Variants in NR1D2 observed in about 807,000 individuals in gnomAD.
The protein encoded by NR1D2 is V-erbA-related protein 1-related.
Under a neutral mutation model 52.2 loss-of-function variants are expected in NR1D2, and 25 were observed. The observed-to-expected ratio is 0.48, with a 90% confidence interval of 0.35 to 0.67. The LOEUF (loss-of-function observed/expected upper bound fraction) is 0.67, where lower values mean the gene tolerates loss of function less well. NR1D2 is among the 30% of genes least tolerant of loss of function. The probability of loss-of-function intolerance (pLI) is 0.01; values close to 1 mark genes in which losing one functional copy is unlikely to be tolerated. For synonymous variants in NR1D2, 259 were observed against 230.1 expected (o/e 1.13, Z -1.14); for missense variants, 681 against 707.2 (o/e 0.96, Z 0.42).
intron 6 of NR1D2, among the ~76,000 whole-genome samples, chr3:23,966,909 A>G (rs1706463147): frequency 6.6e-6 from 1 of 152,098 alleles, no homozygotes; most frequent in Admixed American, 6.6e-5. Context: ...ATGTATTTGT[A>G]TTCTCAGCTA....
Position 23,962,037 on chromosome 3 carries a change from G to C in NR1D2, c.578G>C (p.Ser193Thr), listed in dbSNP as rs1026401912. The C allele has an allele frequency of 6.2e-6, 10 of 1,614,060 alleles. No homozygotes were observed. Among genetic ancestry groups the C allele is most frequent in the Non-Finnish European group, 7.6e-6 (9 of 1,180,028 alleles). The change falls in exon 5 of 8, where the codon AGT becomes ACT. Residue 193 changes from serine to threonine, a missense_variant. Transcript: ENST00000312521. ...EKQRMLIEMQ[S>T]AMKTMMNSQF... is the part of the protein sequence containing the mutation. Reference sequence around the variant, plus strand: ...CAGAGGATGCTAATTGAAATGCAAAGTGCAATGAAGACCATGATGAACAGC... The same window carrying C: ...CAGAGGATGCTAATTGAAATGCAAACTGCAATGAAGACCATGATGAACAGC...
chr3:23,946,310 G>A (rs1403504835), intron 1 of NR1D2: 6 of 984,768 alleles, frequency 6.1e-6, no homozygotes, highest in Non-Finnish European at 7.2e-6. Context: ...TGGGGAGGCT[G>A]GTAGCTGCAT....
chr3:23,946,162 G>T, intron 1 of NR1D2: 1 of 985,100 alleles, frequency 1.0e-6, no homozygotes, highest in African/African-American at 1.7e-5. Context: ...AGGAGGCCGC[G>T]CGTGCGCGCC....
intron 7 of NR1D2, among the ~76,000 whole-genome samples, chr3:23,970,019 A>G (rs1435725226): frequency 6.6e-6 from 1 of 152,226 alleles, no homozygotes; most frequent in Non-Finnish European, 1.5e-5. Context: ...TTATGGACTA[A>G]CAGCTATGAG....
At chr3:23,955,904 C>A in intron 2 of NR1D2, 133 bp from the exon 3 acceptor site, 1 of 576,478 alleles carries the variant, frequency 1.7e-6, no homozygotes, top group Non-Finnish European at 3.2e-6. Flanking sequence ...AAATATTTTT[C>A]TTTTACATTA....
chr3:23,964,108 T>C (rs1039912927), intron 5 of NR1D2, among the ~76,000 whole-genome samples: 3 of 151,372 alleles, frequency 2.0e-5, no homozygotes, highest in Admixed American at 1.3e-4. Context: ...AGACGGAGTC[T>C]CACTCTGTCA....
At chr3:23,952,701 G>A (rs1405292447) in intron 1 of NR1D2, among the ~76,000 whole-genome samples, 1 of 150,394 alleles carries the variant, frequency 6.6e-6, no homozygotes, top group African/African-American at 2.5e-5. Flanking sequence ...ACTCCAGCCT[G>A]GACAACAGAG....
intron 7 of NR1D2, among the ~76,000 whole-genome samples, chr3:23,972,308 T>A (rs1432135010): frequency 6.6e-6 from 1 of 152,240 alleles, no homozygotes; most frequent in African/African-American, 2.4e-5. Context: ...AAGCAAGTAT[T>A]TGAACTCCCA....
At chr3:23,956,171 A>G in intron 3 of NR1D2, 46 bp downstream of exon 3, 2 of 1,481,528 alleles carry the variant, frequency 1.3e-6, no homozygotes, top group Non-Finnish European at 9.4e-7. Flanking sequence ...CTGGGATTTA[A>G]GAAGTTGGGT....
chr3:23,955,600 C>T (rs888906414), intron 2 of NR1D2, among the ~76,000 whole-genome samples: 21 of 151,950 alleles, frequency 1.4e-4, no homozygotes, highest in Non-Finnish European at 1.9e-4. Context: ...CTGAGTGGGG[C>T]GGAGTCCAGG....
chr3:23,963,499 G>C, intron 5 of NR1D2: 1 of 697,876 alleles, frequency 1.4e-6, no homozygotes, highest in Non-Finnish European at 1.8e-6. Flanking sequence ...GCCCAGGCTG[G>C]AGTGCGGTGG....
At chr3:23,958,572 C>T (rs1378102387) in intron 3 of NR1D2, among the ~76,000 whole-genome samples, 2 of 144,062 alleles carry the variant, frequency 1.4e-5, no homozygotes, top group Non-Finnish European at 3.0e-5. Flanking sequence ...CCCGGGAGTT[C>T]GAAGTTGCGG....
chr3:23,946,350 G>C, intron 1 of NR1D2: 1 of 956,412 alleles, frequency 1.0e-6, no homozygotes, highest in Non-Finnish European at 1.2e-6. Context: ...GGAAGTGCAG[G>C]ACGAGGGCGT....
rs1391120867 is a variant in NR1D2, at chr3:23,954,918, T to C, written c.283+115T>C. 5.7e-6 allele frequency: 5 copies of C among 880,718 alleles called. No homozygotes were observed. The East Asian group carries it at 1.0e-4, about 18-fold the overall frequency. 54.6% of individuals were successfully genotyped at this position (880,718 alleles called of 1,614,324 possible). On this transcript the variant is annotated intron_variant, in intron 2 of 7. Coordinates refer to ENST00000312521, the MANE Select transcript of NR1D2 (RefSeq NM_005126.5). ...TCTGGGTACAGTTTTCACTCCTTGC[T>C]GGGTAATCATACATCAGTAGTTAGG...
chr3:23,971,911 A>G (rs1356529414), intron 7 of NR1D2, among the ~76,000 whole-genome samples: 2 of 152,204 alleles, frequency 1.3e-5, no homozygotes, highest in Admixed American at 6.5e-5. Context: ...TGGTATTATG[A>G]TTATGTAAAT....
intron 5 of NR1D2, chr3:23,963,341 T>G (rs1442243591): frequency 3.8e-6 from 5 of 1,331,944 alleles, no homozygotes; most frequent in Non-Finnish European, 4.9e-6. Flanking sequence ...GTAATTAAAG[T>G]CGTCTTTTTC....
rs528074575 is a variant in NR1D2 at position 23,966,766 on chromosome 3, A to G, written c.1333-1047A>G. On this transcript the variant is annotated intron_variant, in intron 6 of 7. Transcript: ENST00000312521. ...GTTTTGGGACCGGGTGCAGTGGCTCATGCTTGTAATCCCAGCACTTTGGGA... is the reference window on the plus strand; with the variant it reads ...GTTTTGGGACCGGGTGCAGTGGCTCGTGCTTGTAATCCCAGCACTTTGGGA... 3.9e-5 allele frequency among the ~76,000 whole-genome samples: 6 copies of G among 152,314 alleles called. No individual in the cohort carries two copies. In the East Asian group the frequency reaches 1.2e-3, roughly 29 times the overall value.
chr3:23,977,239 A>G lies in NR1D2; in HGVS notation c.1560A>G (p.Glu520=). ...CTCTCTTAGATCGATCTGGAATAGA[A>G]AACGTCAACTCTGTGGAGGCTTTGC... ...VLVSADRSGI[E]NVNSVEALQE... Residue 520 remains glutamate, a synonymous_variant, in exon 8 of 8, where the codon GAA becomes GAG. Coordinates refer to ENST00000312521, the MANE Select transcript of NR1D2 (RefSeq NM_005126.5). 1.3e-6 allele frequency: 2 copies of G among 1,590,370 alleles called. No homozygotes were observed. The highest frequency in any genetic ancestry group is 1.7e-6 in the Non-Finnish European group (2 of 1,170,836).
intron 2 of NR1D2, 27 bp from the exon 3 acceptor site, chr3:23,956,010 T>A: frequency 6.4e-7 from 1 of 1,554,686 alleles, no homozygotes; most frequent in African/African-American, 1.4e-5. Context: ...CCTCCTACTT[T>A]TTACTTCGTG....
Sources: allele counts gnomAD v4.1 joint callset (sites outside exome capture counted in the v4.1 genomes callset), GRCh38; gene constraint gnomAD v4.1.1; transcripts MANE v1.5; gene names NCBI Gene and HGNC (gene_info 2026-07-23, HGNC 2026-07-21).